The following ADAMTS12 variants were observed in gnomAD, a reference collection of about 807,000 sequenced individuals.
ADAMTS12 encodes the protein ADAM metallopeptidase with thrombospondin type 1 motif 12.
In ADAMTS12, 118 loss-of-function variants were observed where a neutral mutation model predicts 167.8. The observed-to-expected ratio is 0.70, with a 90% CI of 0.61 to 0.82. The LOEUF (loss-of-function observed/expected upper bound fraction) is 0.82, where lower values mean the gene tolerates loss of function less well. Among genes scored for constraint, ADAMTS12 ranks in the 40% least tolerant of loss-of-function variants. ADAMTS12 has a pLI of 0.00. For synonymous variants in ADAMTS12, 704 were observed against 716.9 expected (o/e 0.98, Z 0.29); for missense variants, 1,916 against 1,998.8 (o/e 0.96, Z 0.79).
In ADAMTS12 at chr5:33,751,468, G is replaced by A; in HGVS notation, c.570C>T (p.His190=). The A allele has an allele frequency of 1.2e-6, 2 of 1,614,096 alleles. No individual in the cohort carries two copies. The highest frequency in any genetic ancestry group is 1.7e-6 in the Non-Finnish European group (2 of 1,180,010). ...KKHPLVEGGY[H]PHIVYRRQKV... ...TCTGCCTCCTGTAAACGATGTGCGG[G>A]TGGTACCCTCCCTCAACCAGTGGAT... Residue 190 remains histidine (H), a synonymous_variant, in exon 3 of 24, where the codon CAC becomes CAT. Transcript: ENST00000504830.
At chr5:33,765,515 A>G (rs1196350279) in intron 2 of ADAMTS12, among the ~76,000 whole-genome samples, 1 of 152,224 alleles carries the variant, frequency 6.6e-6, no homozygotes, top group African/African-American at 2.4e-5. Context: ...AGCACATTAA[A>G]AAGCAGAATA....
rs780859019 is a variant in ADAMTS12, at chr5:33,588,807, C to G, written c.2657G>C (p.Trp886Ser). 1.2e-6 allele frequency: 2 copies of G among 1,612,900 alleles called. No homozygotes were observed. The highest frequency in any genetic ancestry group is 1.7e-6 in the Non-Finnish European group (2 of 1,180,000). Residue 886 changes from tryptophan (W) to serine (S), a missense_variant and splice_region_variant, in exon 18 of 24, where the codon TGG (tryptophan) becomes TCG (serine). By Grantham distance (177) the Trp-to-Ser change is radical (BLOSUM62 -3). Coordinates refer to ENST00000504830, the MANE Select transcript of ADAMTS12 (RefSeq NM_030955.4). Reference protein sequence around the residue: ...KCHEKACPPRWWAGEWEACSA... With the variant: ...KCHEKACPPRSWAGEWEACSA... Reference sequence around the variant, plus strand: ...GCATGCTTCCCACTCCCCTGCCCACCACCTGCAGGCAAACATGGATATGTG... The same window carrying G: ...GCATGCTTCCCACTCCCCTGCCCACGACCTGCAGGCAAACATGGATATGTG...
chr5:33,753,826 A>T (rs1282920410), intron 2 of ADAMTS12, among the ~76,000 whole-genome samples: 1 of 152,176 alleles, frequency 6.6e-6, no homozygotes, highest in Non-Finnish European at 1.5e-5. Flanking sequence ...TGCACGCGGA[A>T]AATCACCTAT....
rs202032209 is a variant in ADAMTS12 at position 33,809,983 on chromosome 5, GA to G, written c.490-58436del. On this transcript the variant is annotated intron_variant, in intron 2 of 23. Coordinates refer to ENST00000504830, the MANE Select transcript of ADAMTS12 (RefSeq NM_030955.4). ...ATTTTAATCCTTAAGAAGTTTAACA[GA>G]AAAAAAAAAAAAAAAAACAGATTAG... Among the ~76,000 whole-genome samples the G allele has an allele frequency of 3.7e-3, 438 of 118,080 alleles. 2 individuals are homozygous for G. Among genetic ancestry groups the G allele is most frequent in the Middle Eastern group, 0.013 (3 of 232 alleles). 77.5% of individuals were successfully genotyped at this position (118,080 alleles called of 152,430 possible).
intron 2 of ADAMTS12, among the ~76,000 whole-genome samples, chr5:33,856,023 T>C (rs140630233): frequency 7.3e-4 from 111 of 152,318 alleles, no homozygotes; most frequent in Non-Finnish European, 1.4e-3. Flanking sequence ...TGAGCCACTG[T>C]ACCCAGCATA....
chr5:33,541,010 C>T (rs901171806), intron 22 of ADAMTS12, among the ~76,000 whole-genome samples: 4 of 152,126 alleles, frequency 2.6e-5, no homozygotes, highest in Non-Finnish European at 4.4e-5. Context: ...AAGTAGGCTT[C>T]GGAAGGTCAG....
intron 19 of ADAMTS12, among the ~76,000 whole-genome samples, chr5:33,571,611 A>C (rs1416452094): frequency 1.3e-5 from 2 of 152,016 alleles, no homozygotes; most frequent in South Asian, 4.2e-4. Flanking sequence ...TGTAGAGGGA[A>C]ATTTATAGCA....
At chr5:33,791,221 G>C (rs1746555570) in intron 2 of ADAMTS12, among the ~76,000 whole-genome samples, 2 of 152,124 alleles carry the variant, frequency 1.3e-5, no homozygotes, top group African/African-American at 4.8e-5. Flanking sequence ...TGGATGTTCA[G>C]GCTTAAAATA....
intron 2 of ADAMTS12, among the ~76,000 whole-genome samples, chr5:33,873,002 A>T (rs1750097091): frequency 6.6e-6 from 1 of 152,188 alleles, no homozygotes; most frequent in African/African-American, 2.4e-5. Context: ...CTTTCCCACT[A>T]AGATCAAAAG....
Position 33,891,952 on chromosome 5 carries a change from G to T in ADAMTS12, c.-96C>A, listed in dbSNP as rs193170723. On this transcript the variant is annotated 5_prime_UTR_variant, in exon 1 of 24. Coordinates refer to ENST00000504830, the MANE Select transcript of ADAMTS12 (RefSeq NM_030955.4). ...TGTGGCCCAGCAGGAAGATGCAGGG[G>T]TGCATGGTCAGGCGCGAGAAGGCAG... 305 of 1,484,380 alleles carry T rather than the reference G, an allele frequency of 2.1e-4. No homozygotes were observed. The African/African-American group carries it at 4.0e-3, about 19-fold the overall frequency. The allele number at this position is 1,484,380 out of a possible 1,614,324, so 92.0% of individuals were successfully genotyped here.
chr5:33,884,200 T>A (rs1750560570), intron 1 of ADAMTS12, among the ~76,000 whole-genome samples: 1 of 152,142 alleles, frequency 6.6e-6, no homozygotes, highest in Non-Finnish European at 1.5e-5. Flanking sequence ...GGACAATTCC[T>A]CCTCCAGCTG....
At chr5:33,753,146 C>T (rs956377359) in intron 2 of ADAMTS12, among the ~76,000 whole-genome samples, 27 of 152,236 alleles carry the variant, frequency 1.8e-4, no homozygotes, top group African/African-American at 5.3e-4. Flanking sequence ...TAGGGCTGTT[C>T]GGGGAATCAA....
intron 12 of ADAMTS12, among the ~76,000 whole-genome samples, chr5:33,631,700 A>T (rs1360272061): frequency 6.6e-6 from 1 of 152,226 alleles, no homozygotes. Context: ...TGCCTTAAAA[A>T]TTTTAATAGT....
intron 2 of ADAMTS12, among the ~76,000 whole-genome samples, chr5:33,799,350 C>T (rs1276859491): frequency 6.6e-6 from 1 of 152,234 alleles, no homozygotes; most frequent in Non-Finnish European, 1.5e-5. Context: ...TCAGGCCTCA[C>T]TGAGACTCAT....
chr5:33,879,071 A>G (rs528374144), intron 2 of ADAMTS12, among the ~76,000 whole-genome samples: 1 of 152,332 alleles, frequency 6.6e-6, no homozygotes, highest in African/African-American at 2.4e-5. Context: ...TTTGTGGGCT[A>G]ATGAAAATAT....
rs558991865 is a variant in ADAMTS12 at position 33,872,461 on chromosome 5, C to T, written c.489+8658G>A. On this transcript the variant is annotated intron_variant, in intron 2 of 23. Coordinates refer to ENST00000504830, the MANE Select transcript of ADAMTS12 (RefSeq NM_030955.4). ...ACTGGGGAGGCTGAGGTAGGAGAAT[C>T]GCTTGAACTCGGGAGGCAGAGGTTG... is the stretch of plus-strand genomic sequence containing the variant. Among the ~76,000 whole-genome samples the T allele has an allele frequency of 7.9e-5, 12 of 151,502 alleles. No individual in the cohort carries two copies. The East Asian group carries it at 2.1e-3, about 27-fold the overall frequency.
intron 2 of ADAMTS12, among the ~76,000 whole-genome samples, chr5:33,835,729 T>C (rs1748482822): frequency 1.3e-5 from 2 of 152,096 alleles, no homozygotes; most frequent in South Asian, 4.2e-4. Flanking sequence ...TTTTAACATA[T>C]CAATTTTGGA....
At position 33,581,619 on chromosome 5, in the gene ADAMTS12, T is replaced by C. The variant is rs539114815; in HGVS notation, c.2866-4459A>G. On this transcript the variant is annotated intron_variant, in intron 18 of 23. Coordinates refer to ENST00000504830, the MANE Select transcript of ADAMTS12 (RefSeq NM_030955.4). ...TTTAATGCACAATCTCAGAAATTTATAAATGAATAATTAGATCTCATACAA... is the reference window on the plus strand; with the variant it reads ...TTTAATGCACAATCTCAGAAATTTACAAATGAATAATTAGATCTCATACAA... Among the ~76,000 whole-genome samples, 5 of 152,316 alleles carry C rather than the reference T, an allele frequency of 3.3e-5. No individual in the cohort carries two copies. In the South Asian group the frequency reaches 8.3e-4, roughly 25 times the overall value.
At chr5:33,628,362 C>T (rs1486179548) in intron 13 of ADAMTS12, among the ~76,000 whole-genome samples, 1 of 152,000 alleles carries the variant, frequency 6.6e-6, no homozygotes, top group Non-Finnish European at 1.5e-5. Context: ...TAATTTAAAA[C>T]AGAAGGTGTC....
Sources: gnomAD v4.1 joint callset for allele counts (sites outside exome capture counted in the v4.1 genomes callset) on GRCh38, gnomAD v4.1.1 for gene constraint, MANE v1.5 for transcripts, NCBI Gene and HGNC (gene_info 2026-07-23, HGNC 2026-07-21) for gene names.